The following SAMM50 variants were observed in gnomAD, a reference collection of about 807,000 sequenced individuals.
SAMM50 encodes the protein SAMM50 sorting and assembly machinery component.
A neutral mutation model predicts 66.9 loss-of-function variants in SAMM50; 47 were observed. The observed-to-expected ratio is 0.70, with a 90% CI of 0.56 to 0.90. The LOEUF is 0.90. SAMM50 is among the 40% of genes least tolerant of loss of function. The probability of loss-of-function intolerance (pLI) is 0.00; values close to 1 mark genes in which losing one functional copy is unlikely to be tolerated. For synonymous variants in SAMM50, 191 were observed against 214.1 expected (o/e 0.89, Z 0.94); for missense variants, 535 against 595.3 (o/e 0.90, Z 1.05).
intron 10 of SAMM50, among the ~76,000 whole-genome samples, chr22:43,980,916 A>G (rs1415473491): frequency 2.0e-5 from 3 of 152,146 alleles, no homozygotes; most frequent in African/African-American, 7.2e-5. Context: ...TCTGTCCTTG[A>G]GAGTGGGGTT....
At chr22:43,979,644 C>T (rs1269974751) in intron 10 of SAMM50, among the ~76,000 whole-genome samples, 1 of 152,088 alleles carries the variant, frequency 6.6e-6, no homozygotes, top group African/African-American at 2.4e-5. Flanking sequence ...CCTTCCACTC[C>T]CTGCCTTCCC....
chr22:43,990,190 G>C, intron 13 of SAMM50, 75 bp from the exon 14 acceptor site: 4 of 1,579,868 alleles, frequency 2.5e-6, no homozygotes, highest in Non-Finnish European at 2.6e-6. Flanking sequence ...GGGGGAGCCA[G>C]GGCTTGTCTG....
At chr22:43,975,928 C>G (rs2050228918) in intron 7 of SAMM50, 127 bp from the exon 8 acceptor site, 1 of 931,270 alleles carries the variant, frequency 1.1e-6, no homozygotes, top group East Asian at 2.7e-5. Context: ...CCTTCTCCCT[C>G]TCTCTCATCA....
At chr22:43,961,514 A>T (rs565924554) in intron 1 of SAMM50, among the ~76,000 whole-genome samples, 20 of 152,286 alleles carry the variant, frequency 1.3e-4, no homozygotes, top group Middle Eastern at 3.4e-3. Flanking sequence ...CAGTGGAGTG[A>T]TCTTAGCTCA....
At chr22:43,967,909 A>G (rs1007536067) in intron 3 of SAMM50, among the ~76,000 whole-genome samples, 1 of 152,160 alleles carries the variant, frequency 6.6e-6, no homozygotes, top group East Asian at 1.9e-4. Context: ...AAAGTTGAAC[A>G]TTTCTAACAG....
chr22:43,981,420 G>A lies in SAMM50; in HGVS notation c.966G>A (p.Met322Ile). 6.2e-7 allele frequency: 1 copy of A among 1,613,892 alleles called. No individual in the cohort carries two copies. The highest frequency in any genetic ancestry group is 8.5e-7 in the Non-Finnish European group (1 of 1,179,798). ...SVFSASFWGG[M>I]LVPIGDKPSS... is the part of the protein sequence containing the mutation. The stretch of plus-strand genomic sequence containing the variant: ...TTTCAGCGTCTTTCTGGGGCGGAAT[G>A]TTGGTACCCATTGGTGATAAGCCGT... Residue 322 changes from methionine to isoleucine, a missense_variant, in exon 11 of 15, where the codon ATG (methionine) becomes ATA (isoleucine). Physicochemically the swap from Met to Ile is conservative, Grantham distance 10 (BLOSUM62 1). Transcript: ENST00000350028.
intron 6 of SAMM50, 42 bp downstream of exon 6, chr22:43,973,043 A>G (rs1603419133): frequency 3.2e-6 from 5 of 1,572,954 alleles, no homozygotes; most frequent in African/African-American, 1.4e-5. Flanking sequence ...GGCCTGATAG[A>G]AAAGTTAAAA....
intron 12 of SAMM50, among the ~76,000 whole-genome samples, chr22:43,985,542 T>A (rs1388037122): frequency 6.6e-6 from 1 of 152,092 alleles, no homozygotes; most frequent in Non-Finnish European, 1.5e-5. Context: ...TGTTTCTTCT[T>A]ATTGCTGAAT....
At chr22:43,980,343 C>T (rs1030797945) in intron 10 of SAMM50, among the ~76,000 whole-genome samples, 3 of 147,986 alleles carry the variant, frequency 2.0e-5, no homozygotes, top group African/African-American at 7.5e-5. Context: ...ATTGAGGAGG[C>T]GGTGACAAGT....
intron 14 of SAMM50, among the ~76,000 whole-genome samples, chr22:43,994,476 G>A (rs1296074397): frequency 1.3e-5 from 2 of 152,164 alleles, no homozygotes; most frequent in African/African-American, 2.4e-5. Context: ...GAGGTGGGGT[G>A]CAAGGCGCCA....
intron 4 of SAMM50, among the ~76,000 whole-genome samples, chr22:43,971,997 C>T (rs905302194): frequency 2.6e-5 from 4 of 152,146 alleles, no homozygotes; most frequent in African/African-American, 9.7e-5. Flanking sequence ...CTGTGCTCAG[C>T]CCTGTTTATT....
At chr22:43,977,850 C>T in intron 9 of SAMM50, 22 bp from the exon 10 acceptor site, 1 of 1,572,698 alleles carries the variant, frequency 6.4e-7, no homozygotes, top group South Asian at 1.1e-5. Context: ...CTCCCTTTGA[C>T]CTGAGTGCTC....
At position 43,976,807 on chromosome 22, in the gene SAMM50, C is replaced by G. The variant is rs767280050; in HGVS notation, c.835C>G (p.Leu279Val). The G allele has an allele frequency of 2.5e-6, 4 of 1,609,960 alleles. No homozygotes were observed. The East Asian group carries it at 9.0e-5, about 36-fold the overall frequency. Reference sequence around the variant, plus strand: ...CATCTTACCAAGGAGAGGTGCTTTGCTGAAAGTTAACCAGGTAGTGTTGTT... The same window carrying G: ...CATCTTACCAAGGAGAGGTGCTTTGGTGAAAGTTAACCAGGTAGTGTTGTT... ...SSILPRRGAL[L>V]KVNQELAGYT... is the part of the protein sequence containing the mutation. The change falls in exon 9 of 15, where the codon CTG becomes GTG. Residue 279 changes from leucine (L) to valine (V), a missense_variant. Coordinates refer to ENST00000350028, the MANE Select transcript of SAMM50 (RefSeq NM_015380.5).
At chr22:43,957,361 T>C (rs2050125103) in intron 1 of SAMM50, 1 of 511,220 alleles carries the variant, frequency 2.0e-6, no homozygotes, top group South Asian at 2.5e-5. Flanking sequence ...TAATGAAAAG[T>C]CAATAAATCA....
intron 13 of SAMM50, among the ~76,000 whole-genome samples, 190 bp downstream of exon 13, chr22:43,989,447 T>C (rs2050311517): frequency 6.6e-6 from 1 of 151,854 alleles, no homozygotes; most frequent in Admixed American, 6.6e-5. Flanking sequence ...AGTGACTCTC[T>C]TGCCTCAGCC....
chr22:43,971,326 T>C (rs552408016), intron 4 of SAMM50, among the ~76,000 whole-genome samples: 1 of 152,316 alleles, frequency 6.6e-6, no homozygotes, highest in East Asian at 1.9e-4. Context: ...AGGAGTCGCC[T>C]TTCCTTCCTG....
intron 4 of SAMM50, among the ~76,000 whole-genome samples, chr22:43,971,199 A>G (rs773627268): frequency 6.6e-6 from 1 of 152,122 alleles, no homozygotes; most frequent in Non-Finnish European, 1.5e-5. Context: ...CTGAGGCTCC[A>G]CCCTAGAACT....
Position 43,963,368 on chromosome 22 carries a change from C to T in SAMM50, c.104C>T (p.Ala35Val). The T allele has an allele frequency of 6.2e-7, 1 of 1,611,374 alleles. No homozygotes were observed. The highest frequency in any genetic ancestry group is 1.1e-5 in the South Asian group (1 of 90,582). ...EAEFVEVEPE[A>V]KQEILENKDV... ...GAATTTGTTGAAGTTGAGCCTGAAGCTAAACAGGAAATTCTTGAAAACAAA... is the reference window on the plus strand; with the variant it reads ...GAATTTGTTGAAGTTGAGCCTGAAGTTAAACAGGAAATTCTTGAAAACAAA... Residue 35 changes from alanine to valine, a missense_variant, in exon 2 of 15, where the codon GCT (alanine) becomes GTT (valine). Transcript: ENST00000350028.
intron 3 of SAMM50, among the ~76,000 whole-genome samples, chr22:43,964,916 T>C (rs1012485897): frequency 6.6e-6 from 1 of 152,136 alleles, no homozygotes; most frequent in Non-Finnish European, 1.5e-5. Context: ...GCCAACCCCG[T>C]GGGGTGGGCG....
Sources: gnomAD v4.1 joint callset for allele counts (sites outside exome capture counted in the v4.1 genomes callset) on GRCh38, gnomAD v4.1.1 for gene constraint, MANE v1.5 for transcripts, NCBI Gene and HGNC (gene_info 2026-07-23, HGNC 2026-07-21) for gene names.